SHOC1: variants seen among roughly 807,000 people sequenced by gnomAD.
The protein encoded by SHOC1 is shortage in chiasmata 1, also known as protein shortage in chiasmata 1 ortholog.
Under a neutral mutation model 179.2 loss-of-function variants are expected in SHOC1, and 136 were observed. The ratio of observed to expected loss-of-function variants is 0.76; its 90% CI spans 0.66 to 0.87. The LOEUF (loss-of-function observed/expected upper bound fraction) is 0.87. Among genes scored for constraint, SHOC1 ranks in the 40% least tolerant of loss-of-function variants. SHOC1 has a pLI of 0.00. For synonymous variants in SHOC1, 489 were observed against 586.6 expected, an observed-to-expected ratio of 0.83 and a Z score of 2.41; for missense variants, 1,538 against 1,700.8, an observed-to-expected ratio of 0.90 and a Z score of 1.68.
At chr9:111,715,758 A>G (rs955320302) in intron 16 of SHOC1, among the ~76,000 whole-genome samples, 1 of 152,038 alleles carries the variant, frequency 6.6e-6, no homozygotes, top group Non-Finnish European at 1.5e-5. Flanking sequence ...ACTTCTACTT[A>G]TTTTTTTAAA....
chr9:111,765,823 C>T (rs1196211981), intron 5 of SHOC1, among the ~76,000 whole-genome samples: 1 of 151,896 alleles, frequency 6.6e-6, no homozygotes, highest in Non-Finnish European at 1.5e-5. Context: ...AAACAATTCT[C>T]CTGCCTCAGC....
chr9:111,741,977 A>C (rs777381815), intron 10 of SHOC1, among the ~76,000 whole-genome samples: 89 of 152,326 alleles, frequency 5.8e-4, no homozygotes, highest in Non-Finnish European at 1.1e-3. Context: ...TTTTACACTC[A>C]AAATCAAGTG....
chr9:111,738,360 G>A lies in SHOC1; in HGVS notation c.1337C>T (p.Thr446Ile), dbSNP rs770209487. 7.4e-6 allele frequency: 12 copies of A among 1,612,692 alleles called. No homozygotes were observed. Among genetic ancestry groups the A allele is most frequent in the Non-Finnish European group, 1.0e-5 (12 of 1,179,458 alleles). Residue 446 changes from threonine to isoleucine, a missense_variant, in exon 12 of 28, where the codon ACA becomes ATA. By Grantham distance (89) the Thr-to-Ile change is moderately conservative. Transcript: ENST00000682961. ...AGACAAATTATCATGACATAAATAT[G>A]TATTCAGATGTTCCAATGTTTCCAT... Reference protein sequence around the residue: ...KMMETLEHLNTYLCHDNLSSN... With the variant: ...KMMETLEHLNIYLCHDNLSSN...
intron 13 of SHOC1, among the ~76,000 whole-genome samples, chr9:111,724,548 T>C (rs928388132): frequency 6.6e-6 from 1 of 151,918 alleles, no homozygotes; most frequent in African/African-American, 2.4e-5. Context: ...TTGGTAGAGA[T>C]AGGGTCTCCC....
intron 2 of SHOC1, 71 bp downstream of exon 2, chr9:111,791,303 A>G (rs1836436625): frequency 2.5e-6 from 2 of 801,692 alleles, no homozygotes; most frequent in Non-Finnish European, 3.6e-6. Context: ...TACTCAACCT[A>G]TATTGAATGT....
At chr9:111,760,925 T>C (rs1051278946) in intron 5 of SHOC1, among the ~76,000 whole-genome samples, 1 of 151,108 alleles carries the variant, frequency 6.6e-6, no homozygotes, top group Non-Finnish European at 1.5e-5. Context: ...GTTATGAGAG[T>C]AGAAAAAAGT....
rs749152306 is a variant in SHOC1 at position 111,686,815 on chromosome 9, T to G, written c.4482A>C (p.Lys1494Asn). 1 of 1,613,768 alleles carries G rather than the reference T, an allele frequency of 6.2e-7. No homozygotes were observed. Among genetic ancestry groups the G allele is most frequent in the Non-Finnish European group, 8.5e-7 (1 of 1,179,742 alleles). ...QFKKRRLAYE[K>N]VPGRVDGQTR... The stretch of plus-strand genomic sequence containing the variant: ...TCTGCCCATCAACTCTACCAGGGAC[T>G]TTTTCATATGCTAGACGTCGTTTTT... Residue 1494 changes from lysine (K) to asparagine (N), a missense_variant, in exon 28 of 28, where the codon AAA (lysine) becomes AAC (asparagine). Physicochemically the swap from Lys to Asn is moderately conservative, Grantham distance 94. Transcript: ENST00000682961.
At chr9:111,767,831 T>A (rs1418755478) in intron 5 of SHOC1, among the ~76,000 whole-genome samples, 9 of 152,200 alleles carry the variant, frequency 5.9e-5, no homozygotes, top group Admixed American at 5.9e-4. Context: ...ATGAAATATG[T>A]ATCTTTCCTT....
intron 9 of SHOC1, among the ~76,000 whole-genome samples, chr9:111,746,905 G>T (rs1834316293): frequency 6.6e-6 from 1 of 151,978 alleles, no homozygotes. Flanking sequence ...TGAGTTTACT[G>T]TGTTTAACAT....
chr9:111,718,342 A>G, intron 15 of SHOC1, 54 bp from the exon 16 acceptor site: 1 of 1,179,380 alleles, frequency 8.5e-7, no homozygotes, highest in Non-Finnish European at 1.2e-6. Context: ...CAGTTTTAGA[A>G]TATGTATCAG....
intron 5 of SHOC1, among the ~76,000 whole-genome samples, chr9:111,771,934 C>A (rs901764943): frequency 3.3e-5 from 5 of 152,046 alleles, no homozygotes; most frequent in Non-Finnish European, 7.4e-5. Flanking sequence ...CAGACCTTCC[C>A]GTACTGGAGA....
At chr9:111,770,966 T>TC (rs778746259) in intron 5 of SHOC1, among the ~76,000 whole-genome samples, 1 of 152,280 alleles carries the variant, frequency 6.6e-6, no homozygotes, top group South Asian at 2.1e-4. Context: ...TTTAATTCCT[T>TC]CAGCCATTCT....
chr9:111,793,615 C>A (rs1343078197), intron 1 of SHOC1, among the ~76,000 whole-genome samples: 1 of 110,290 alleles, frequency 9.1e-6, no homozygotes, highest in African/African-American at 3.0e-5. Context: ...AGGAAATGAA[C>A]AAAATCATGG....
intron 26 of SHOC1, among the ~76,000 whole-genome samples, chr9:111,692,804 T>C (rs1457019924): frequency 6.6e-6 from 1 of 152,210 alleles, no homozygotes; most frequent in Non-Finnish European, 1.5e-5. Context: ...ACATGAATAC[T>C]ATTTCCTTGA....
At chr9:111,794,440 C>T (rs1836556207) in intron 1 of SHOC1, among the ~76,000 whole-genome samples, 1 of 151,956 alleles carries the variant, frequency 6.6e-6, no homozygotes, top group Non-Finnish European at 1.5e-5. Context: ...AAAAATTAGC[C>T]AGACGTGGTG....
At chr9:111,794,783 G>C (rs1434112118) in intron 1 of SHOC1, 117 bp downstream of exon 1, 1 of 152,300 alleles carries the variant, frequency 6.6e-6, no homozygotes, top group Non-Finnish European at 1.5e-5. Context: ...GGGCCTCACA[G>C]ATGCGTTTTC....
At chr9:111,762,660 A>G (rs1387458738) in intron 5 of SHOC1, among the ~76,000 whole-genome samples, 1 of 152,204 alleles carries the variant, frequency 6.6e-6, no homozygotes, top group East Asian at 1.9e-4. Flanking sequence ...ATAAAATTCA[A>G]TCCTCATTCA....
In SHOC1 at chr9:111,785,132, AT is replaced by A. The variant is rs1320750050; in HGVS notation, c.169+779del. 8.5e-5 allele frequency among the ~76,000 whole-genome samples: 13 copies of A among 152,108 alleles called. No individual in the cohort carries two copies. The East Asian group carries it at 1.9e-3, about 23-fold the overall frequency. On this transcript the variant is annotated intron_variant, in intron 3 of 27. Coordinates refer to ENST00000682961, the MANE Select transcript of SHOC1 (RefSeq NM_001378211.1). ...TTCGTTCTTGAGTCAGGAACTTTGC[AT>A]TTGCTTGAAGGGCTTTTCCCCCATA...
At chr9:111,775,002 A>T (rs12379507) in intron 5 of SHOC1, among the ~76,000 whole-genome samples, 89,695 of 149,736 alleles carry the variant, frequency 0.6, 27,154 homozygotes, top group East Asian at 0.89. Flanking sequence ...CTTAAAAAAA[A>T]ATTTTTTTTT....
Sources: gnomAD v4.1 joint callset for allele counts (sites outside exome capture counted in the v4.1 genomes callset) on GRCh38, gnomAD v4.1.1 for gene constraint, MANE v1.5 for transcripts, NCBI Gene and HGNC (gene_info 2026-07-23, HGNC 2026-07-21) for gene names.